Variants in DIP2C observed in about 807,000 individuals in gnomAD.
The protein encoded by DIP2C is DIP2 acetate--CoA ligase C (putative), also known as disco-interacting protein 2 homolog C.
A neutral mutation model predicts 192.4 loss-of-function variants in DIP2C; 33 were observed. The observed-to-expected ratio is 0.17, with a 90% confidence interval of 0.13 to 0.23. The LOEUF (loss-of-function observed/expected upper bound fraction) is 0.23, where lower values mean the gene tolerates loss of function less well. DIP2C is among the 10% of genes least tolerant of loss of function. DIP2C has a pLI of 1.00. For synonymous variants in DIP2C, 979 were observed against 864.1 expected, an observed-to-expected ratio of 1.13 and a Z score of -2.33; for missense variants, 1,537 against 2,110.1, an observed-to-expected ratio of 0.73 and a Z score of 5.32.
intron 17 of DIP2C, among the ~76,000 whole-genome samples, chr10:375,267 CCTCT>C (rs367835226): frequency 7.3e-5 from 11 of 151,322 alleles, no homozygotes; most frequent in South Asian, 2.1e-4. Context: ...CTGGGCACCT[CCTCT>C]CTCTCTCTCT....
intron 24 of DIP2C, among the ~76,000 whole-genome samples, chr10:353,539 G>A (rs1443942700): frequency 6.6e-6 from 1 of 152,172 alleles, no homozygotes; most frequent in Non-Finnish European, 1.5e-5. Context: ...ACAGGCATGT[G>A]CCAAAACACC....
chr10:642,056 C>T (rs1267817874), intron 1 of DIP2C, among the ~76,000 whole-genome samples: 1 of 152,126 alleles, frequency 6.6e-6, no homozygotes, highest in East Asian at 1.9e-4. Context: ...ATACAGGAGA[C>T]CACTAATAAT....
At chr10:391,310 A>G (rs201347306) in intron 10 of DIP2C, among the ~76,000 whole-genome samples, 3 of 62,668 alleles carry the variant, frequency 4.8e-5, no homozygotes, top group African/African-American at 1.5e-4. Flanking sequence ...CAAAGGCACG[A>G]AAGGCACACC....
At chr10:464,864 A>G (rs1011649034) in intron 3 of DIP2C, among the ~76,000 whole-genome samples, 3 of 151,862 alleles carry the variant, frequency 2.0e-5, no homozygotes, top group South Asian at 2.1e-4. Flanking sequence ...GAATAGACCA[A>G]TAACAGGATC....
intron 4 of DIP2C, among the ~76,000 whole-genome samples, chr10:434,992 T>C (rs1207164173): frequency 6.6e-6 from 1 of 152,244 alleles, no homozygotes; most frequent in Non-Finnish European, 1.5e-5. Context: ...TTATCCTGCT[T>C]CGTGTTTCTG....
At chr10:601,617 C>G (rs940363250) in intron 1 of DIP2C, among the ~76,000 whole-genome samples, 1 of 152,246 alleles carries the variant, frequency 6.6e-6, no homozygotes, top group African/African-American at 2.4e-5. Context: ...CCCACCCTAA[C>G]TGTCCTCTGT....
At chr10:357,001 A>T (rs1320393757) in intron 23 of DIP2C, among the ~76,000 whole-genome samples, 1 of 152,244 alleles carries the variant, frequency 6.6e-6, no homozygotes, top group African/African-American at 2.4e-5. Flanking sequence ...GCATGAAGCC[A>T]CAAATTAAAC....
At chr10:533,758 G>A (rs903357916) in intron 1 of DIP2C, among the ~76,000 whole-genome samples, 4 of 151,878 alleles carry the variant, frequency 2.6e-5, no homozygotes, top group Non-Finnish European at 5.9e-5. Flanking sequence ...AGATAAATGC[G>A]TATCTGCTTA....
At chr10:563,813 G>A (rs1336390354) in intron 1 of DIP2C, among the ~76,000 whole-genome samples, 1 of 152,070 alleles carries the variant, frequency 6.6e-6, no homozygotes, top group Non-Finnish European at 1.5e-5. Flanking sequence ...CAATAGTCAA[G>A]AACAAGTTCA....
At chr10:611,655 G>T (rs1220697790) in intron 1 of DIP2C, among the ~76,000 whole-genome samples, 1 of 152,156 alleles carries the variant, frequency 6.6e-6, no homozygotes, top group Non-Finnish European at 1.5e-5. Context: ...AACATCTTAA[G>T]CTTCCTTTTT....
At chr10:471,079 C>G (rs1038599026) in intron 3 of DIP2C, among the ~76,000 whole-genome samples, 6 of 152,060 alleles carry the variant, frequency 3.9e-5, no homozygotes, top group Non-Finnish European at 8.8e-5. Context: ...TGTGTCGGGG[C>G]TTAAGACAGG....
chr10:579,495 T>C (rs946627814), intron 1 of DIP2C, among the ~76,000 whole-genome samples: 1 of 150,928 alleles, frequency 6.6e-6, no homozygotes, highest in African/African-American at 2.4e-5. Flanking sequence ...CAAACATAAG[T>C]GCACTATGTG....
chr10:528,177 G>A (rs1847165837), intron 1 of DIP2C, among the ~76,000 whole-genome samples: 1 of 152,098 alleles, frequency 6.6e-6, no homozygotes, highest in African/African-American at 2.4e-5. Context: ...CTACAATACT[G>A]CAGAGTCCCT....
intron 8 of DIP2C, among the ~76,000 whole-genome samples, chr10:411,055 C>A (rs1347912300): frequency 3.3e-5 from 5 of 152,056 alleles, no homozygotes; most frequent in African/African-American, 1.2e-4. Flanking sequence ...CGGAGCAAGC[C>A]CGGGAAGGAG....
rs781495377 is a variant in DIP2C, at chr10:329,608, A to G, written c.3585-7T>C. ...CTGGTGCCCAGAATACACACTGCAG[A>G]GAAAGAAGAGGCTGTCAGGGCGGGA... On this transcript the variant is annotated splice_polypyrimidine_tract_variant and splice_region_variant and intron_variant, in intron 29 of 36. Coordinates refer to ENST00000280886, the MANE Select transcript of DIP2C (RefSeq NM_014974.3). 2 of 1,613,414 alleles carry G rather than the reference A, an allele frequency of 1.2e-6. No individual in the cohort carries two copies. The highest frequency in any genetic ancestry group is 1.7e-6 in the Non-Finnish European group (2 of 1,179,690).
intron 33 of DIP2C, among the ~76,000 whole-genome samples, chr10:287,661 C>G (rs535203255): frequency 8.4e-6 from 1 of 119,380 alleles, no homozygotes; most frequent in East Asian, 2.6e-4. Context: ...ACAACTGGGG[C>G]CGAAACGGAA....
chr10:644,280 T>C (rs1855346557), intron 1 of DIP2C, among the ~76,000 whole-genome samples: 1 of 152,246 alleles, frequency 6.6e-6, no homozygotes, highest in Non-Finnish European at 1.5e-5. Flanking sequence ...CAGAGGGAGC[T>C]GTCCCGCCAG....
At chr10:314,022 T>C (rs1424341128) in intron 31 of DIP2C, among the ~76,000 whole-genome samples, 1 of 152,230 alleles carries the variant, frequency 6.6e-6, no homozygotes, top group Non-Finnish European at 1.5e-5. Flanking sequence ...ACTGGGCTTA[T>C]GTAGTACACT....
intron 3 of DIP2C, among the ~76,000 whole-genome samples, chr10:470,705 G>A (rs1406223514): frequency 1.3e-5 from 2 of 152,320 alleles, no homozygotes; most frequent in South Asian, 4.1e-4. Flanking sequence ...GAAACACGCA[G>A]TGGCGACTGA....
Sources: gnomAD v4.1 joint callset for allele counts (sites outside exome capture counted in the v4.1 genomes callset) on GRCh38, gnomAD v4.1.1 for gene constraint, MANE v1.5 for transcripts, NCBI Gene and HGNC (gene_info 2026-07-23, HGNC 2026-07-21) for gene names.